SEMA6A: variants seen among roughly 807,000 people sequenced by gnomAD.
SEMA6A encodes semaphorin-6A.
A neutral mutation model predicts 96.8 loss-of-function variants in SEMA6A; 25 were observed. The observed-to-expected ratio is 0.26, with a 90% CI of 0.19 to 0.36. The LOEUF is 0.36. Ranked by LOEUF, SEMA6A falls within the 10% of genes least tolerant of loss-of-function variation. The pLI is 1.00. For synonymous variants in SEMA6A, 612 were observed against 518.0 expected, an observed-to-expected ratio of 1.18 and a Z score of -2.46; for missense variants, 1,363 against 1,323.1, an observed-to-expected ratio of 1.03 and a Z score of -0.47.
chr5:116,513,616 T>A (rs917381981), intron 1 of SEMA6A, among the ~76,000 whole-genome samples: 1 of 150,660 alleles, frequency 6.6e-6, no homozygotes, highest in African/African-American at 2.5e-5. Context: ...TTTTTTTTTT[T>A]AATTTCCAAC....
chr5:116,467,927 C>A, intron 17 of SEMA6A, 180 bp from the exon 18 acceptor site: 1 of 612,922 alleles, frequency 1.6e-6, no homozygotes, highest in Non-Finnish European at 2.8e-6. Flanking sequence ...GGGGTGTGTT[C>A]AGCAGAAAGC....
At chr5:116,515,868 G>A (rs17139996) in intron 1 of SEMA6A, among the ~76,000 whole-genome samples, 1 of 152,022 alleles carries the variant, frequency 6.6e-6, no homozygotes, top group East Asian at 1.9e-4. Flanking sequence ...CCTGCAAGTC[G>A]CTCCGTTGAG....
chr5:116,509,449 T>C (rs1241228486), intron 1 of SEMA6A, among the ~76,000 whole-genome samples: 5 of 152,206 alleles, frequency 3.3e-5, no homozygotes, highest in Non-Finnish European at 7.3e-5. Flanking sequence ...ATTAATGGCG[T>C]TGACCTTGGG....
intron 1 of SEMA6A, among the ~76,000 whole-genome samples, chr5:116,553,615 G>A (rs1760500352): frequency 6.6e-6 from 1 of 152,202 alleles, no homozygotes; most frequent in Non-Finnish European, 1.5e-5. Flanking sequence ...TGGCTCCACA[G>A]TGCTGGGAGC....
chr5:116,458,437 A>T (rs1755154589), intron 18 of SEMA6A, among the ~76,000 whole-genome samples: 1 of 152,294 alleles, frequency 6.6e-6, no homozygotes, highest in East Asian at 1.9e-4. Context: ...GGGTGGGGGT[A>T]AAGTGTCATG....
At chr5:116,479,932 C>A (rs1419951575) in intron 12 of SEMA6A, among the ~76,000 whole-genome samples, 190 bp downstream of exon 12, 1 of 152,214 alleles carries the variant, frequency 6.6e-6, no homozygotes, top group Non-Finnish European at 1.5e-5. Context: ...AATATTGGAA[C>A]TCTTCTCCCT....
intron 1 of SEMA6A, among the ~76,000 whole-genome samples, chr5:116,566,265 T>C (rs543842296): frequency 6.6e-6 from 1 of 152,350 alleles, no homozygotes; most frequent in South Asian, 2.1e-4. Flanking sequence ...TTAGAGCTTC[T>C]TCTGCTAAAT....
At chr5:116,557,581 T>A (rs548223809) in intron 1 of SEMA6A, among the ~76,000 whole-genome samples, 1 of 152,236 alleles carries the variant, frequency 6.6e-6, no homozygotes, top group African/African-American at 2.4e-5. Context: ...ACATACAAAA[T>A]AGAAAATAAA....
At position 116,501,128 on chromosome 5, in the gene SEMA6A, A is replaced by C. The variant is rs545629956; in HGVS notation, c.218+1082T>G. On this transcript the variant is annotated intron_variant, in intron 3 of 18. Coordinates refer to ENST00000343348, the MANE Select transcript of SEMA6A (RefSeq NM_020796.5). Reference sequence around the variant, plus strand: ...GTGCTCCATGTTGCTGTTCATTTGGAATTATTTTGAATAGCTACACACTCC... The same window carrying C: ...GTGCTCCATGTTGCTGTTCATTTGGCATTATTTTGAATAGCTACACACTCC... Among the ~76,000 whole-genome samples, 22 of 152,320 alleles carry C rather than the reference A, an allele frequency of 1.4e-4. No individual in the cohort carries two copies. The South Asian group carries it at 1.9e-3, about 13-fold the overall frequency.
At position 116,574,703 on chromosome 5, in the gene SEMA6A, G is replaced by C. The variant is rs1350812663; in HGVS notation, c.-557C>G. 6.6e-6 allele frequency: 1 copy of C among 152,310 alleles called. No homozygotes were observed. Among genetic ancestry groups the C allele is most frequent in the Non-Finnish European group, 1.5e-5 (1 of 68,124 alleles). 9.4% of individuals were successfully genotyped at this position (152,310 alleles called of 1,614,324 possible). ...GCCGCTGCTACACGCTGCTAAGCGG[G>C]CATCGCGGGCGACCGGCACCGCGGA... On this transcript the variant is annotated 5_prime_UTR_variant, in exon 1 of 19. Transcript: ENST00000343348.
intron 18 of SEMA6A, among the ~76,000 whole-genome samples, chr5:116,457,548 C>G (rs762465231): frequency 2.6e-5 from 4 of 151,940 alleles, no homozygotes; most frequent in Non-Finnish European, 4.4e-5. Flanking sequence ...ATTTATTACC[C>G]CATTAAAAAT....
At chr5:116,565,146 T>A (rs547910440) in intron 1 of SEMA6A, among the ~76,000 whole-genome samples, 36 of 152,328 alleles carry the variant, frequency 2.4e-4, no homozygotes, top group African/African-American at 6.7e-4. Flanking sequence ...TTATTTATTT[T>A]TTTTGCCAGC....
chr5:116,516,563 A>T (rs1758677668), intron 1 of SEMA6A, among the ~76,000 whole-genome samples: 1 of 152,148 alleles, frequency 6.6e-6, no homozygotes, highest in African/African-American at 2.4e-5. Context: ...GTGACTCATT[A>T]GCCTGGCTTG....
At chr5:116,536,015 T>G (rs1759690405) in intron 1 of SEMA6A, among the ~76,000 whole-genome samples, 1 of 152,238 alleles carries the variant, frequency 6.6e-6, no homozygotes, top group Admixed American at 6.5e-5. Flanking sequence ...CAGATAAAGA[T>G]GCCCACATGG....
intron 8 of SEMA6A, 25 bp from the exon 9 acceptor site, chr5:116,488,221 T>A: frequency 6.9e-7 from 1 of 1,452,574 alleles, no homozygotes; most frequent in Non-Finnish European, 9.6e-7. Flanking sequence ...GCACTTTAAT[T>A]GGGAACATGT....
rs549539017 is a variant in SEMA6A at position 116,451,988 on chromosome 5, TGCAAAGG to T, written c.1895-4184_1895-4178del. Reference sequence around the variant, plus strand: ...ATTAGAAAAAAAAAAAATGCATCTCTGCAAAGGGCAAAGGGCAAAGGGCAACAGGCTA... The same window carrying T: ...ATTAGAAAAAAAAAAAATGCATCTCTGCAAAGGGCAAAGGGCAACAGGCTA... On this transcript the variant is annotated intron_variant, in intron 18 of 18. Coordinates refer to ENST00000343348, the MANE Select transcript of SEMA6A (RefSeq NM_020796.5). 7.5e-3 allele frequency among the ~76,000 whole-genome samples: 1,134 copies of T among 151,758 alleles called. 18 individuals carry two copies. The highest frequency in any genetic ancestry group is 0.024 in the African/African-American group (1,002 of 41,354).
At position 116,463,295 on chromosome 5, in the gene SEMA6A, C is replaced by T. The variant is rs186847168; in HGVS notation, c.1894+4288G>A. Among the ~76,000 whole-genome samples, 13 of 152,300 alleles carry T rather than the reference C, an allele frequency of 8.5e-5. No individual in the cohort carries two copies. In the East Asian group the frequency reaches 2.5e-3, roughly 29 times the overall value. ...ACTCTTGAAGGCCATCACATCCCTGCCACCTAAATCATGCCATGTAAGGTG... is the reference window on the plus strand; with the variant it reads ...ACTCTTGAAGGCCATCACATCCCTGTCACCTAAATCATGCCATGTAAGGTG... On this transcript the variant is annotated intron_variant, in intron 18 of 18. Coordinates refer to ENST00000343348, the MANE Select transcript of SEMA6A (RefSeq NM_020796.5).
At chr5:116,510,423 G>C (rs1561507358) in intron 1 of SEMA6A, among the ~76,000 whole-genome samples, 1 of 152,094 alleles carries the variant, frequency 6.6e-6, no homozygotes, top group Admixed American at 6.6e-5. Flanking sequence ...AAGAGCAGGG[G>C]GTGAAACCTG....
chr5:116,503,994 G>A (rs973333620), intron 2 of SEMA6A, among the ~76,000 whole-genome samples: 2 of 152,174 alleles, frequency 1.3e-5, no homozygotes, highest in East Asian at 1.9e-4. Flanking sequence ...TAATTGTTTT[G>A]TGTGTCAGTT....
Sources: allele counts gnomAD v4.1 joint callset (sites outside exome capture counted in the v4.1 genomes callset), GRCh38; gene constraint gnomAD v4.1.1; transcripts MANE v1.5; gene names NCBI Gene and HGNC (gene_info 2026-07-23, HGNC 2026-07-21).